Variants in MBNL2 observed in about 807,000 individuals in gnomAD.
The protein encoded by MBNL2 is muscleblind like splicing regulator 2.
MBNL2 carries 17 observed loss-of-function variants against 41.9 expected under a neutral mutation model. The observed-to-expected ratio is 0.41, with a 90% CI of 0.28 to 0.61. The LOEUF (loss-of-function observed/expected upper bound fraction) is 0.61, where lower values mean the gene tolerates loss of function less well. MBNL2 is among the 20% of genes least tolerant of loss of function. The probability of loss-of-function intolerance (pLI) is 0.35; values close to 1 mark genes in which losing one functional copy is unlikely to be tolerated. For synonymous variants in MBNL2, 195 were observed against 182.9 expected, an observed-to-expected ratio of 1.07 and a Z score of -0.53; for missense variants, 336 against 505.6, an observed-to-expected ratio of 0.66 and a Z score of 3.22.
upstream of MBNL2, among the ~76,000 whole-genome samples, chr13:97,220,653 A>C (rs1450805532): frequency 6.7e-6 from 1 of 149,548 alleles, no homozygotes; most frequent in African/African-American, 2.6e-5. Context: ...CTTGAAGATG[A>C]GGAGGCCTGA....
chr13:97,244,364 G>A (rs1164814360), intron 1 of MBNL2, among the ~76,000 whole-genome samples: 2 of 152,196 alleles, frequency 1.3e-5, no homozygotes, highest in African/African-American at 4.8e-5. Flanking sequence ...GATGCAGAGA[G>A]GAAACCAGGC....
At chr13:97,179,649 A>G in the MBNL2 span, 1 of 152,162 alleles carries the variant, frequency 6.6e-6, no homozygotes, top group Non-Finnish European at 1.5e-5. Flanking sequence ...GTTCCCTTGA[A>G]CTATGCCCTG....
chr13:97,191,649 A>G, the MBNL2 span, among the ~76,000 whole-genome samples: 1 of 152,228 alleles, frequency 6.6e-6, no homozygotes, highest in East Asian at 1.9e-4. Flanking sequence ...GTTTTGGATT[A>G]AAAGGATTTT....
the MBNL2 span, among the ~76,000 whole-genome samples, chr13:97,186,440 T>C: frequency 5.3e-5 from 8 of 152,224 alleles, no homozygotes; most frequent in Admixed American, 3.9e-4. Flanking sequence ...GATGTTCATT[T>C]TGGAATATTT....
Position 97,233,174 on chromosome 13 carries a change from T to TA in MBNL2, c.-605+10644dup, listed in dbSNP as rs1445083575. 2.3e-4 allele frequency among the ~76,000 whole-genome samples: 27 copies of TA among 119,872 alleles called. No homozygotes were observed. In the South Asian group the frequency reaches 4.5e-3, roughly 20 times the overall value. The allele number at this position is 119,872 out of a possible 152,430, so 78.6% of individuals were successfully genotyped here. A position where few individuals can be genotyped will look rare whatever the true frequency, so the allele number is the denominator to read the frequency against. On this transcript the variant is annotated intron_variant, in intron 1 of 8. Transcript: ENST00000679496. ...ATATATATATATATATATATATATA[T>TA]ATCTTTTTATTATACTTTAAGTTCT... is the stretch of plus-strand genomic sequence containing the variant.
At chr13:97,311,422 A>G (rs966490493) in intron 2 of MBNL2, among the ~76,000 whole-genome samples, 2 of 152,208 alleles carry the variant, frequency 1.3e-5, no homozygotes, top group African/African-American at 4.8e-5. Flanking sequence ...GATGCTTTTA[A>G]GCGTGAATCC....
chr13:97,236,681 A>G (rs2043339880), intron 1 of MBNL2, among the ~76,000 whole-genome samples: 1 of 152,152 alleles, frequency 6.6e-6, no homozygotes, highest in Non-Finnish European at 1.5e-5. Context: ...CTGGGCTTCC[A>G]GCAGTGGTCT....
Position 97,276,050 on chromosome 13 carries a change from A to G in MBNL2, c.-186A>G, listed in dbSNP as rs1454914033. 3.3e-5 allele frequency: 17 copies of G among 520,580 alleles called. No individual in the cohort carries two copies. Among genetic ancestry groups the G allele is most frequent in the Non-Finnish European group, 4.8e-5 (14 of 294,086 alleles). The allele number at this position is 520,580 out of a possible 1,614,324, so 32.2% of individuals were successfully genotyped here. On this transcript the variant is annotated 5_prime_UTR_variant, in exon 2 of 9. The change abolishes an upstream ATG in the 5' untranslated region. Coordinates refer to ENST00000679496, the MANE Select transcript of MBNL2 (RefSeq NM_001382683.1). ...ATCTTTAAGTGGGACATATTGATTG[A>G]TGAGTGATTGCCTGTCCATACACTC...
the MBNL2 span, among the ~76,000 whole-genome samples, chr13:97,187,630 G>A: frequency 1.0e-4 from 14 of 139,708 alleles, no homozygotes; most frequent in African/African-American, 2.8e-4. Flanking sequence ...AAAAGAGGCC[G>A]GGCGCGGTGG....
intron 1 of MBNL2, among the ~76,000 whole-genome samples, chr13:97,224,816 T>G (rs750211128): frequency 1.3e-5 from 2 of 152,226 alleles, no homozygotes; most frequent in Non-Finnish European, 2.9e-5. Flanking sequence ...GGATACTTTT[T>G]CTTAGTTCAA....
Position 97,287,918 on chromosome 13 carries a change from G to GTTTTTTTTTTTTTT in MBNL2, c.174+11519_174+11520insTTTTTTTTTTTTTT, listed in dbSNP as rs11423615. On this transcript the variant is annotated intron_variant, in intron 2 of 8. Transcript: ENST00000679496. ...TGCCACCAGGCCCGGCTAATTTTCT[G>GTTTTTTTTTTTTTT]TTTTTTTTTTGTTTTGTTTTGTTTT... Among the ~76,000 whole-genome samples, 8 of 124,616 alleles carry GTTTTTTTTTTTTTT rather than the reference G, an allele frequency of 6.4e-5. 1 individual carries two copies. Among genetic ancestry groups the GTTTTTTTTTTTTTT allele is most frequent in the African/African-American group, 2.8e-4 (8 of 28,772 alleles). 81.8% of individuals were successfully genotyped at this position (124,616 alleles called of 152,430 possible). A position where few individuals can be genotyped will look rare whatever the true frequency, so the allele number is the denominator to read the frequency against.
intron 8 of MBNL2, among the ~76,000 whole-genome samples, chr13:97,382,481 G>A (rs2065545144): frequency 1.3e-5 from 2 of 152,138 alleles, no homozygotes; most frequent in African/African-American, 4.8e-5. Context: ...ATAATCCCTG[G>A]TGAATTCCAT....
chr13:97,270,354 C>CT (rs1271120265), intron 1 of MBNL2, among the ~76,000 whole-genome samples: 2 of 151,888 alleles, frequency 1.3e-5, no homozygotes, highest in African/African-American at 4.8e-5. Flanking sequence ...TTTTCACATT[C>CT]TTTTTTTTCT....
rs1295206046 is a variant in MBNL2 at position 97,268,559 on chromosome 13, A to G, written c.-604-7073A>G. ...TCAACCTACCTGGCAGCCGCAGGGT[A>G]AGCCAGTGGCATCTGCTGGAATTTT... is the stretch of plus-strand genomic sequence containing the variant. On this transcript the variant is annotated intron_variant, in intron 1 of 8. Coordinates refer to ENST00000679496, the MANE Select transcript of MBNL2 (RefSeq NM_001382683.1). This position sits in a 1 kb window ranked among gnomAD's most constrained non-coding sequence, Gnocchi z 4.6. Among the ~76,000 whole-genome samples the G allele has an allele frequency of 1.3e-5, 2 of 152,216 alleles. No individual in the cohort carries two copies. Among genetic ancestry groups the G allele is most frequent in the Non-Finnish European group, 2.9e-5 (2 of 68,028 alleles).
chr13:97,224,474 C>T lies in MBNL2; in HGVS notation c.-605+1943C>T, dbSNP rs138047617. ...TTTGACTGGAGCACATTGGAGTTCT[C>T]GGGAGTTCCCAAAGCTAATTTGTGT... On this transcript the variant is annotated intron_variant, in intron 1 of 8. Coordinates refer to ENST00000679496, the MANE Select transcript of MBNL2 (RefSeq NM_001382683.1). 2.2e-4 allele frequency among the ~76,000 whole-genome samples: 34 copies of T among 152,122 alleles called. No homozygotes were observed. The East Asian group carries it at 6.0e-3, about 27-fold the overall frequency.
At chr13:97,182,542 G>A in the MBNL2 span, among the ~76,000 whole-genome samples, 3 of 152,188 alleles carry the variant, frequency 2.0e-5, no homozygotes, top group Admixed American at 6.5e-5. Context: ...ACAATGGAAT[G>A]AGAGGAGACA....
intron 2 of MBNL2, among the ~76,000 whole-genome samples, chr13:97,318,736 T>A (rs572255214): frequency 2.3e-4 from 35 of 152,174 alleles, no homozygotes; most frequent in Non-Finnish European, 4.7e-4. Context: ...GGAAAAGACT[T>A]CTTCCACAGT....
intron 5 of MBNL2, among the ~76,000 whole-genome samples, chr13:97,352,970 G>C (rs369085687): frequency 3.9e-5 from 6 of 152,284 alleles, no homozygotes; most frequent in African/African-American, 1.4e-4. Context: ...GGATAAGAGG[G>C]AAAATGGCCA....
chr13:97,198,428 A>G, the MBNL2 span, among the ~76,000 whole-genome samples: 53 of 151,314 alleles, frequency 3.5e-4, no homozygotes, highest in Admixed American at 1.2e-3. Context: ...GGACTTGCCA[A>G]CCACATGATC....
Sources: gnomAD v4.1 joint callset for allele counts (sites outside exome capture counted in the v4.1 genomes callset) on GRCh38, gnomAD v4.1.1 for gene constraint, Gnocchi (gnomAD v3.1) non-coding constraint, MANE v1.5 for transcripts, NCBI Gene and HGNC (gene_info 2026-07-23, HGNC 2026-07-21) for gene names.